The following HPN variants were observed in gnomAD, a reference collection of about 807,000 sequenced individuals.
The protein encoded by HPN is serine protease hepsin.
A neutral mutation model predicts 55.9 loss-of-function variants in HPN; 13 were observed. The observed-to-expected ratio is 0.23, with a 90% CI of 0.15 to 0.37. The LOEUF (loss-of-function observed/expected upper bound fraction) is 0.37, where lower values mean the gene tolerates loss of function less well. HPN is among the 10% of genes least tolerant of loss of function. The pLI is 1.00. For synonymous variants in HPN, 225 were observed against 240.3 expected (o/e 0.94, Z 0.59); for missense variants, 451 against 575.8 (o/e 0.78, Z 2.22).
chr19:35,050,053 G>A (rs536933076), intron 4 of HPN, among the ~76,000 whole-genome samples: 1 of 152,054 alleles, frequency 6.6e-6, no homozygotes, highest in Non-Finnish European at 1.5e-5. Flanking sequence ...GTGGCATGGT[G>A]AAAACATGTT....
chr19:35,060,039 C>T, intron 6 of HPN, 43 bp downstream of exon 6: 1 of 1,612,610 alleles, frequency 6.2e-7, no homozygotes, highest in East Asian at 2.2e-5. Flanking sequence ...CTCAGACCCC[C>T]AAGGCACTCC....
At chr19:35,057,721 A>T (rs1883759671) in intron 4 of HPN, among the ~76,000 whole-genome samples, 1 of 152,186 alleles carries the variant, frequency 6.6e-6, no homozygotes, top group Non-Finnish European at 1.5e-5. Context: ...TTGCTAAAAG[A>T]TATTTTAAGT....
chr19:35,049,800 T>C (rs118059994), intron 4 of HPN, among the ~76,000 whole-genome samples: 1 of 152,202 alleles, frequency 6.6e-6, no homozygotes, highest in Non-Finnish European at 1.5e-5. Context: ...ATGAAATAGA[T>C]TCGATTACAG....
At chr19:35,043,895 CA>C (rs2064317108) in intron 2 of HPN, among the ~76,000 whole-genome samples, 1 of 152,218 alleles carries the variant, frequency 6.6e-6, no homozygotes, top group African/African-American at 2.4e-5. Context: ...CAAAGAGAAA[CA>C]GACACAAAGT....
chr19:35,055,158 A>C (rs1470376136), intron 4 of HPN, among the ~76,000 whole-genome samples: 1 of 152,136 alleles, frequency 6.6e-6, no homozygotes, highest in African/African-American at 2.4e-5. Flanking sequence ...GAAAAAAATA[A>C]ATTTAAAAGG....
chr19:35,051,366 C>T (rs1289111816), intron 4 of HPN, among the ~76,000 whole-genome samples: 1 of 152,186 alleles, frequency 6.6e-6, no homozygotes, highest in African/African-American at 2.4e-5. Flanking sequence ...GTCTCGGCCT[C>T]CCAAAGTGCT....
At chr19:35,060,556 C>T (rs771769612) in intron 8 of HPN, 44 bp downstream of exon 8, 12 of 1,611,498 alleles carry the variant, frequency 7.4e-6, no homozygotes, top group South Asian at 5.5e-5. Flanking sequence ...GGCAGAGGAG[C>T]GGAGAGACAG....
rs2064522116 is a variant in HPN, at chr19:35,060,789, C to G, written c.783C>G (p.Val261=). ...AGAACAGCAACGATATTGCCCTGGT[C>G]CACCTCTCCAGTCCCCTGCCCCTCA... is the stretch of plus-strand genomic sequence containing the variant. ...SEENSNDIAL[V]HLSSPLPLTE... Residue 261 remains valine (V), a synonymous_variant, in exon 9 of 13, where the codon GTC becomes GTG. Transcript: ENST00000672452. 1.2e-5 allele frequency: 19 copies of G among 1,599,450 alleles called. No homozygotes were observed. The highest frequency in any genetic ancestry group is 1.6e-5 in the Non-Finnish European group (19 of 1,172,322).
intron 4 of HPN, among the ~76,000 whole-genome samples, chr19:35,057,781 G>A (rs1443641583): frequency 6.6e-6 from 1 of 152,158 alleles, no homozygotes; most frequent in Non-Finnish European, 1.5e-5. Context: ...GCTTGATTTA[G>A]CCGTTCCACA....
At chr19:35,042,769 C>T (rs980471846) in intron 2 of HPN, among the ~76,000 whole-genome samples, 1 of 152,174 alleles carries the variant, frequency 6.6e-6, no homozygotes, top group Non-Finnish European at 1.5e-5. Context: ...TTCCCCTCAT[C>T]CCCCAGTGAT....
chr19:35,049,378 A>C lies in HPN; in HGVS notation c.105A>C (p.Ala35=). 6.2e-7 allele frequency: 1 copy of C among 1,605,164 alleles called. No individual in the cohort carries two copies. The change falls in exon 3 of 13, where the codon GCA becomes GCC. Residue 35 remains alanine, a synonymous_variant. Coordinates refer to ENST00000672452, the MANE Select transcript of HPN (RefSeq NM_001384133.1). ...TLLLLTAIGA[A]SWAIVAVLLR... is the part of the protein sequence containing the mutation. ...TACTTCTGACAGCCATCGGGGCGGC[A>C]TCCTGGGCCATTGGTGAGAGCGGTT...
rs570445332 is a variant in HPN, at chr19:35,065,476, C to A, written c.908-63C>A. 2.3e-4 allele frequency: 366 copies of A among 1,591,310 alleles called. 1 individual carries two copies. The highest frequency in any genetic ancestry group is 1.7e-4 in the Non-Finnish European group (195 of 1,167,638). ...GACGCTGAGGGGAATGGGGTGGGCACCAGGAGGGAAGGGGGGTGTGTACAC... is the reference window on the plus strand; with the variant it reads ...GACGCTGAGGGGAATGGGGTGGGCAACAGGAGGGAAGGGGGGTGTGTACAC... On this transcript the variant is annotated intron_variant, in intron 10 of 12. Transcript: ENST00000672452.
chr19:35,056,283 A>G (rs1340842344), intron 4 of HPN, among the ~76,000 whole-genome samples: 2 of 152,002 alleles, frequency 1.3e-5, no homozygotes, highest in African/African-American at 4.8e-5. Flanking sequence ...GTGACACATA[A>G]TATATCCTAC....
chr19:35,042,233 A>T, intron 1 of HPN: 1 of 1,318,972 alleles, frequency 7.6e-7, no homozygotes, highest in Non-Finnish European at 9.7e-7. Flanking sequence ...AGGCTCAGGC[A>T]TGGGGGTCCC....
At chr19:35,063,942 G>C (rs113548252) in intron 9 of HPN, among the ~76,000 whole-genome samples, 5,140 of 152,292 alleles carry the variant, frequency 0.034, 305 homozygotes, top group African/African-American at 0.12. Flanking sequence ...AAAGAGCTTA[G>C]AGAACTGCCA....
At chr19:35,048,810 T>C (rs898672557) in intron 2 of HPN, among the ~76,000 whole-genome samples, 1 of 152,044 alleles carries the variant, frequency 6.6e-6, no homozygotes, top group Non-Finnish European at 1.5e-5. Context: ...CTGGGTACCA[T>C]GAGAGAGGTC....
At chr19:35,043,795 G>A (rs1249468129) in intron 2 of HPN, among the ~76,000 whole-genome samples, 2 of 152,256 alleles carry the variant, frequency 1.3e-5, no homozygotes, top group Admixed American at 6.5e-5. Flanking sequence ...TGGAGCTGCC[G>A]GAAGGACAGC....
At chr19:35,055,351 C>T (rs374491398) in intron 4 of HPN, among the ~76,000 whole-genome samples, 2 of 151,240 alleles carry the variant, frequency 1.3e-5, no homozygotes, top group African/African-American at 2.4e-5. Flanking sequence ...GAGCTATGAT[C>T]GTGCCACTGC....
At position 35,045,780 on chromosome 19, in the gene HPN, G is replaced by A. The variant is rs77521052; in HGVS notation, c.16+3258G>A. On this transcript the variant is annotated intron_variant, in intron 2 of 12. Coordinates refer to ENST00000672452, the MANE Select transcript of HPN (RefSeq NM_001384133.1). ...ATGCGTCCCACACCGTGGGCCAGAT[G>A]AGGATGCTGCCTGTCCCAGTAGAGA... 5.2e-3 allele frequency among the ~76,000 whole-genome samples: 782 copies of A among 151,694 alleles called. 27 individuals are homozygous for A. In the South Asian group the frequency reaches 0.11, roughly 20 times the overall value.
Sources: gnomAD v4.1 joint callset for allele counts (sites outside exome capture counted in the v4.1 genomes callset) on GRCh38, gnomAD v4.1.1 for gene constraint, MANE v1.5 for transcripts, NCBI Gene and HGNC (gene_info 2026-07-23, HGNC 2026-07-21) for gene names.